RIMS2: variants seen among roughly 807,000 people sequenced by gnomAD.
RIMS2 encodes regulating synaptic membrane exocytosis protein 2.
RIMS2 carries 59 observed loss-of-function variants against 174.4 expected under a neutral mutation model. That is an observed-to-expected ratio of 0.34 (90% CI 0.27 to 0.42). The LOEUF (loss-of-function observed/expected upper bound fraction) is 0.42. Among genes scored for constraint, RIMS2 ranks in the 10% least tolerant of loss-of-function variants. The pLI is 1.00. For synonymous variants in RIMS2, 606 were observed against 572.5 expected (o/e 1.06, Z -0.84); for missense variants, 1,620 against 1,666.3 (o/e 0.97, Z 0.48).
intron 19 of RIMS2, among the ~76,000 whole-genome samples, chr8:104,076,500 C>T (rs754287551): frequency 2.0e-5 from 3 of 152,120 alleles, no homozygotes; most frequent in Non-Finnish European, 4.4e-5. Flanking sequence ...TAATTTCTTA[C>T]AATTGGTACA....
chr8:103,889,966 C>G (rs545409361), intron 4 of RIMS2, among the ~76,000 whole-genome samples: 1 of 151,892 alleles, frequency 6.6e-6, no homozygotes, highest in African/African-American at 2.4e-5. Flanking sequence ...TTTGTTCTAC[C>G]TTTTTAACCA....
chr8:104,184,075 A>G (rs1419595365), intron 19 of RIMS2, among the ~76,000 whole-genome samples: 1 of 151,620 alleles, frequency 6.6e-6, no homozygotes, highest in Non-Finnish European at 1.5e-5. Context: ...CACACACCCC[A>G]CAAAAGGAAA....
At chr8:103,759,564 C>CAAAAAA (rs35946104) in intron 2 of RIMS2, among the ~76,000 whole-genome samples, 73 of 69,778 alleles carry the variant, frequency 1.0e-3, no homozygotes, top group African/African-American at 2.2e-3. Context: ...GACTCCGTCT[C>CAAAAAA]AAAAAAAAAA....
At chr8:104,017,779 C>A (rs2095963325) in intron 19 of RIMS2, among the ~76,000 whole-genome samples, 1 of 152,078 alleles carries the variant, frequency 6.6e-6, no homozygotes, top group Non-Finnish European at 1.5e-5. Context: ...CAAAAATAAC[C>A]TATTGGGCCA....
intron 1 of RIMS2, among the ~76,000 whole-genome samples, chr8:103,606,140 T>A (rs1357837821): frequency 1.4e-5 from 2 of 145,190 alleles, no homozygotes; most frequent in Admixed American, 6.8e-5. Context: ...GGGCATTTAG[T>A]GCTATAAATT....
chr8:103,886,522 T>A (rs771757263), intron 4 of RIMS2, among the ~76,000 whole-genome samples: 11 of 151,934 alleles, frequency 7.2e-5, no homozygotes, highest in Non-Finnish European at 1.3e-4. Flanking sequence ...AACTGTAGTT[T>A]TTAAAATAAC....
chr8:103,743,332 T>G (rs1230155659), intron 2 of RIMS2, among the ~76,000 whole-genome samples: 1 of 152,170 alleles, frequency 6.6e-6, no homozygotes, highest in Non-Finnish European at 1.5e-5. Context: ...GAAACTAAGT[T>G]AAGAAAATTA....
intron 3 of RIMS2, among the ~76,000 whole-genome samples, chr8:103,846,589 A>C (rs965829229): frequency 6.6e-6 from 1 of 152,146 alleles, no homozygotes; most frequent in Non-Finnish European, 1.5e-5. Context: ...GCCAGTATTC[A>C]CAGCAGCTGG....
At chr8:103,740,878 GTT>G (rs993880848) in intron 2 of RIMS2, among the ~76,000 whole-genome samples, 8 of 151,830 alleles carry the variant, frequency 5.3e-5, no homozygotes, top group Admixed American at 4.6e-4. Flanking sequence ...TTCTTTCCTT[GTT>G]TTTTATTGAA....
intron 19 of RIMS2, among the ~76,000 whole-genome samples, chr8:104,224,457 T>C (rs1453106707): frequency 6.6e-6 from 1 of 152,222 alleles, no homozygotes; most frequent in Non-Finnish European, 1.5e-5. Context: ...TTCATGAACT[T>C]TCCTATAAGA....
chr8:104,154,935 G>A (rs1348472395), intron 19 of RIMS2, among the ~76,000 whole-genome samples: 2 of 151,126 alleles, frequency 1.3e-5, no homozygotes. Flanking sequence ...ACACTTCCCT[G>A]GGGAATGGAA....
intron 19 of RIMS2, among the ~76,000 whole-genome samples, chr8:104,128,463 G>A (rs955695547): frequency 2.6e-5 from 4 of 152,182 alleles, no homozygotes; most frequent in Non-Finnish European, 4.4e-5. Flanking sequence ...TTGGGAGGCC[G>A]AGGTGGGTGG....
intron 19 of RIMS2, among the ~76,000 whole-genome samples, chr8:104,195,529 T>C (rs1223462782): frequency 1.3e-5 from 2 of 151,624 alleles, no homozygotes; most frequent in African/African-American, 4.8e-5. Context: ...TTTTTTTTTT[T>C]TTTGAGAAAG....
At chr8:104,018,024 G>A (rs1230884714) in intron 19 of RIMS2, among the ~76,000 whole-genome samples, 1 of 152,008 alleles carries the variant, frequency 6.6e-6, no homozygotes, top group Non-Finnish European at 1.5e-5. Flanking sequence ...GCAGTGAGCC[G>A]TGATTGTGCC....
At chr8:104,175,547 C>T (rs901038990) in intron 19 of RIMS2, among the ~76,000 whole-genome samples, 1 of 152,122 alleles carries the variant, frequency 6.6e-6, no homozygotes, top group African/African-American at 2.4e-5. Context: ...CTTATTCATT[C>T]TGTTTTTGTA....
At chr8:104,045,563 T>G (rs2096679192) in intron 19 of RIMS2, among the ~76,000 whole-genome samples, 1 of 151,862 alleles carries the variant, frequency 6.6e-6, no homozygotes. Context: ...CAGACCTGAT[T>G]TAGAGCATCT....
At chr8:103,858,930 G>T (rs372251322) in intron 3 of RIMS2, among the ~76,000 whole-genome samples, 1 of 152,088 alleles carries the variant, frequency 6.6e-6, no homozygotes, top group African/African-American at 2.4e-5. Flanking sequence ...TCATTTGTGT[G>T]AATGGGTTCA....
chr8:104,085,594 T>C (rs931516549), intron 19 of RIMS2, among the ~76,000 whole-genome samples: 2 of 152,136 alleles, frequency 1.3e-5, no homozygotes, highest in African/African-American at 4.8e-5. Context: ...CACAAATAAA[T>C]AGGTATTAAA....
intron 2 of RIMS2, among the ~76,000 whole-genome samples, chr8:103,765,401 T>C (rs573526765): frequency 5.9e-5 from 9 of 152,200 alleles, no homozygotes; most frequent in Admixed American, 2.6e-4. Flanking sequence ...TGCTGTTTAG[T>C]GGGTGTAGAG....
Sources: gnomAD v4.1 joint callset for allele counts (sites outside exome capture counted in the v4.1 genomes callset) on GRCh38, gnomAD v4.1.1 for gene constraint, MANE v1.5 for transcripts, NCBI Gene and HGNC (gene_info 2026-07-23, HGNC 2026-07-21) for gene names.